The following VTI1A variants were observed in gnomAD, a reference collection of about 807,000 sequenced individuals.
VTI1A encodes vesicle transport through interaction with t-SNAREs 1A.
A neutral mutation model predicts 34.9 loss-of-function variants in VTI1A; 22 were observed. The observed-to-expected ratio is 0.63, with a 90% CI of 0.45 to 0.90. The LOEUF (loss-of-function observed/expected upper bound fraction) is 0.90. Among genes scored for constraint, VTI1A ranks in the 40% least tolerant of loss-of-function variants. The pLI is 0.00. For missense variants in VTI1A, 268 were observed against 275.6 expected, an observed-to-expected ratio of 0.97 and a Z score of 0.20; for synonymous variants, 87 against 97.3, an observed-to-expected ratio of 0.89 and a Z score of 0.62.
At chr10:112,832,434 T>G in the VTI1A span, 3 of 152,482 alleles carry the variant, frequency 2.0e-5, no homozygotes, top group East Asian at 3.9e-4. Context: ...CGGGCCCCTA[T>G]GCATTCCTGC....
chr10:112,475,588 A>G (rs943842366), intron 3 of VTI1A, among the ~76,000 whole-genome samples: 2 of 152,198 alleles, frequency 1.3e-5, no homozygotes, highest in Admixed American at 6.5e-5. Context: ...CAGTGCTAAC[A>G]TGCTTTATAT....
intron 5 of VTI1A, among the ~76,000 whole-genome samples, chr10:112,591,479 C>G (rs796224808): frequency 6.6e-6 from 1 of 151,974 alleles, no homozygotes; most frequent in Non-Finnish European, 1.5e-5. Context: ...GAGATCGCAC[C>G]ACTGCACTCC....
the VTI1A span, among the ~76,000 whole-genome samples, chr10:112,845,472 A>G: frequency 6.6e-5 from 10 of 152,330 alleles, no homozygotes; most frequent in Non-Finnish European, 1.5e-4. Context: ...CCTGGACTTC[A>G]TTAATGCCTG....
intron 4 of VTI1A, among the ~76,000 whole-genome samples, chr10:112,532,777 A>G (rs1190377675): frequency 6.6e-6 from 1 of 152,190 alleles, no homozygotes; most frequent in Non-Finnish European, 1.5e-5. Flanking sequence ...CAATATGAAG[A>G]AAATTGAAAA....
chr10:112,546,236 T>C (rs899714495), intron 5 of VTI1A, among the ~76,000 whole-genome samples: 3 of 151,466 alleles, frequency 2.0e-5, no homozygotes, highest in Non-Finnish European at 2.9e-5. Flanking sequence ...CATATATATA[T>C]ACAAAAATTT....
At chr10:112,632,749 A>G (rs182065705) in intron 5 of VTI1A, among the ~76,000 whole-genome samples, 123 of 152,330 alleles carry the variant, frequency 8.1e-4, no homozygotes, top group Non-Finnish European at 1.5e-3. Context: ...TACAGTGTTC[A>G]TGGTAATGCG....
At chr10:112,851,773 C>A in the VTI1A span, among the ~76,000 whole-genome samples, 2 of 152,160 alleles carry the variant, frequency 1.3e-5, no homozygotes, top group African/African-American at 4.8e-5. Flanking sequence ...CTGTAGGGAA[C>A]CTTTCCAGCT....
chr10:112,478,915 TC>T (rs1205399834), intron 3 of VTI1A, among the ~76,000 whole-genome samples: 1 of 152,104 alleles, frequency 6.6e-6, no homozygotes, highest in Non-Finnish European at 1.5e-5. Flanking sequence ...ACGCCTGTAA[TC>T]CCAGCACTTT....
intron 7 of VTI1A, among the ~76,000 whole-genome samples, chr10:112,717,028 G>A (rs759812221): frequency 1.3e-5 from 2 of 152,172 alleles, no homozygotes; most frequent in Non-Finnish European, 2.9e-5. Flanking sequence ...TGCTTGCTAT[G>A]TAAACGCAGC....
intron 7 of VTI1A, chr10:112,736,811 T>C (rs749894343): frequency 2.5e-4 from 337 of 1,339,802 alleles, no homozygotes; most frequent in Non-Finnish European, 3.0e-4. Flanking sequence ...CAAACACGTA[T>C]TGTGCCTTCA....
At chr10:112,776,109 A>AGAGCTG (rs1403065483) in intron 7 of VTI1A, among the ~76,000 whole-genome samples, 1 of 152,228 alleles carries the variant, frequency 6.6e-6, no homozygotes, top group Non-Finnish European at 1.5e-5. Flanking sequence ...ATAACTAAAT[A>AGAGCTG]GAGCTGGAGC....
chr10:112,689,997 AT>A lies in VTI1A; in HGVS notation c.560+21000del, dbSNP rs1052765593. Among the ~76,000 whole-genome samples the A allele has an allele frequency of 2.6e-5, 4 of 152,202 alleles. No individual in the cohort carries two copies. In the East Asian group the frequency reaches 7.7e-4, roughly 29 times the overall value. ...AGAGTTTTGCCTTTTCTAAAATTTCATGTAAATGGAATTATACAGTGTGTCA... is the reference window on the plus strand; with the variant it reads ...AGAGTTTTGCCTTTTCTAAAATTTCAGTAAATGGAATTATACAGTGTGTCA... On this transcript the variant is annotated intron_variant, in intron 7 of 7. Transcript: ENST00000393077.
chr10:112,596,036 A>G (rs1163586948), intron 5 of VTI1A, among the ~76,000 whole-genome samples: 1 of 152,016 alleles, frequency 6.6e-6, no homozygotes, highest in African/African-American at 2.4e-5. Context: ...ATTGGAAATC[A>G]TCATTCTCAG....
chr10:112,830,500 T>C, the VTI1A span, among the ~76,000 whole-genome samples: 1 of 151,262 alleles, frequency 6.6e-6, no homozygotes, highest in Admixed American at 6.6e-5. Context: ...CTTCCTCCAA[T>C]CTCAAGAAGG....
chr10:112,479,562 C>T (rs971802512), intron 3 of VTI1A, among the ~76,000 whole-genome samples: 1 of 152,162 alleles, frequency 6.6e-6, no homozygotes, highest in Non-Finnish European at 1.5e-5. Context: ...CATGCCCAGA[C>T]AGATTTTCAT....
chr10:112,708,899 G>T (rs1319957224), intron 7 of VTI1A, among the ~76,000 whole-genome samples: 1 of 152,210 alleles, frequency 6.6e-6, no homozygotes, highest in African/African-American at 2.4e-5. Context: ...TACACAGTCT[G>T]TCTCCTAAAA....
intron 3 of VTI1A, among the ~76,000 whole-genome samples, chr10:112,512,345 A>G (rs1235020786): frequency 1.3e-5 from 2 of 152,074 alleles, no homozygotes; most frequent in Non-Finnish European, 2.9e-5. Flanking sequence ...CTATTTGTGT[A>G]TCTTCTTTTG....
chr10:112,709,682 CTTTTTTTTTTTT>C (rs57081938), intron 7 of VTI1A, among the ~76,000 whole-genome samples: 12 of 70,256 alleles, frequency 1.7e-4, no homozygotes, highest in Admixed American at 6.5e-4. Context: ...CTCTATGTGG[CTTTTTTTTTTTT>C]TTTTTTTTTT....
rs569326903 is a variant in VTI1A at position 112,739,248 on chromosome 10, T to C, written c.560+70250T>C. On this transcript the variant is annotated intron_variant, in intron 7 of 7. Coordinates refer to ENST00000393077, the MANE Select transcript of VTI1A (RefSeq NM_145206.4). ...TTTCCAAAATTGTTAATCAAGCCAC[T>C]TGGGGGGTTGAACTCAACTCCTCCC... Among the ~76,000 whole-genome samples, 8 of 152,264 alleles carry C rather than the reference T, an allele frequency of 5.3e-5. No individual in the cohort carries two copies. In the South Asian group the frequency reaches 1.7e-3, roughly 32 times the overall value.
Sources: gnomAD v4.1 joint callset for allele counts (sites outside exome capture counted in the v4.1 genomes callset) on GRCh38, gnomAD v4.1.1 for gene constraint, MANE v1.5 for transcripts, NCBI Gene and HGNC (gene_info 2026-07-23, HGNC 2026-07-21) for gene names.